ZNF710: variants seen among roughly 807,000 people sequenced by gnomAD.
ZNF710 encodes zinc finger protein 710.
A neutral mutation model predicts 50.6 loss-of-function variants in ZNF710; 13 were observed. That is an observed-to-expected ratio of 0.26 (90% CI 0.17 to 0.41). The LOEUF is 0.41. Among genes scored for constraint, ZNF710 ranks in the 10% least tolerant of loss-of-function variants. The probability of loss-of-function intolerance (pLI) is 1.00; values close to 1 mark genes in which losing one functional copy is unlikely to be tolerated. For synonymous variants in ZNF710, 383 were observed against 397.0 expected, an observed-to-expected ratio of 0.96 and a Z score of 0.42; for missense variants, 721 against 936.6, an observed-to-expected ratio of 0.77 and a Z score of 3.01.
chr15:90,008,031 A>C (rs924425818), intron 1 of ZNF710, among the ~76,000 whole-genome samples: 1 of 152,088 alleles, frequency 6.6e-6, no homozygotes, highest in East Asian at 1.9e-4. Context: ...AATTGGAAAG[A>C]AGGCACTTGA....
chr15:90,063,170 C>T (rs566956599), intron 1 of ZNF710, among the ~76,000 whole-genome samples: 2 of 152,242 alleles, frequency 1.3e-5, no homozygotes, highest in South Asian at 4.2e-4. Context: ...TGACCCAGGA[C>T]AGCTCCTGAG....
intron 1 of ZNF710, among the ~76,000 whole-genome samples, chr15:90,015,094 T>A (rs1466437320): frequency 6.6e-6 from 1 of 152,206 alleles, no homozygotes; most frequent in Non-Finnish European, 1.5e-5. Flanking sequence ...TTTCTCCATG[T>A]TGGTCAAGCT....
rs1567236953 is a variant in ZNF710, at chr15:90,058,721, A to ATATATATATATATGTATG, written c.-28-8389_-28-8388insTATATATATATATGTATG. 7.2e-4 allele frequency among the ~76,000 whole-genome samples: 104 copies of ATATATATATATATGTATG among 144,618 alleles called. 1 individual carries two copies. Among genetic ancestry groups the ATATATATATATATGTATG allele is most frequent in the African/African-American group, 2.9e-3 (101 of 34,598 alleles). The allele number at this position is 144,618 out of a possible 152,430, so 94.9% of individuals were successfully genotyped here. A position where few individuals can be genotyped will look rare whatever the true frequency, so the allele number is the denominator to read the frequency against. ...TATATTTATATATATATATATATACACACATATACACACACACGTACACAG... is the reference window on the plus strand; with the variant it reads ...TATATTTATATATATATATATATACATATATATATATATGTATGCACATATACACACACACGTACACAG... On this transcript the variant is annotated intron_variant, in intron 1 of 4. Coordinates refer to ENST00000268154, the MANE Select transcript of ZNF710 (RefSeq NM_198526.4).
intron 1 of ZNF710, 121 bp from the exon 2 acceptor site, chr15:90,066,989 G>A (rs540355221): frequency 2.7e-6 from 3 of 1,107,088 alleles, no homozygotes; most frequent in Non-Finnish European, 2.5e-6. Flanking sequence ...AAGGCCAGGA[G>A]TAGAAAAGAC....
intron 1 of ZNF710, among the ~76,000 whole-genome samples, chr15:90,044,907 C>T (rs903341072): frequency 6.6e-5 from 10 of 152,176 alleles, no homozygotes; most frequent in Admixed American, 3.9e-4. Flanking sequence ...CCTGCCTACT[C>T]TTGAGGTGTG....
At chr15:90,055,959 A>AG (rs1240313480) in intron 1 of ZNF710, among the ~76,000 whole-genome samples, 2 of 151,738 alleles carry the variant, frequency 1.3e-5, no homozygotes, top group Non-Finnish European at 2.9e-5. Flanking sequence ...TACTAAAAAA[A>AG]TACAAAAATT....
chr15:90,021,136 G>T (rs1417522851), intron 1 of ZNF710, among the ~76,000 whole-genome samples: 1 of 152,146 alleles, frequency 6.6e-6, no homozygotes. Context: ...ACCCGCCTTA[G>T]CCTTGGGGAG....
intron 1 of ZNF710, among the ~76,000 whole-genome samples, chr15:90,050,185 G>T (rs1040964933): frequency 1.3e-5 from 2 of 152,216 alleles, no homozygotes; most frequent in African/African-American, 2.4e-5. Context: ...GCATAAATCC[G>T]TACTCGAGCT....
At position 90,067,550 on chromosome 15, in the gene ZNF710, C is replaced by T. The variant is rs549712220; in HGVS notation, c.413C>T (p.Ala138Val). ...GACAAGGACGCAGGGCCAGCAGAAG[C>T]CCCCGCCGAGGCGGCCAGTGGCGGC... ...GDDKDAGPAE[A>V]PAEAASGGCD... is the part of the protein sequence containing the mutation. The change falls in exon 2 of 5, where the codon GCC (alanine) becomes GTC (valine). Residue 138 changes from alanine (A) to valine (V), a missense_variant. Coordinates refer to ENST00000268154, the MANE Select transcript of ZNF710 (RefSeq NM_198526.4). This position sits in a 1 kb window ranked among gnomAD's most constrained non-coding sequence, Gnocchi z 8.1. The T allele has an allele frequency of 7.4e-6, 12 of 1,612,684 alleles. No individual in the cohort carries two copies. The Admixed American group carries it at 2.0e-4, about 27-fold the overall frequency.
rs1341719737 is a variant in ZNF710, at chr15:90,073,256, A to T, written c.1644A>T (p.Lys548Asn). 6.2e-7 allele frequency: 1 copy of T among 1,612,466 alleles called. No homozygotes were observed. The highest frequency in any genetic ancestry group is 1.1e-5 in the South Asian group (1 of 91,072). ...MIVHSPVKPF[K>N]CKVCGKSFNR... ...TACACTCGCCCGTGAAGCCATTCAA[A>T]TGCAAGGTACCCGGTCATCAGGCCC... The change falls in exon 3 of 5, where the codon AAA (lysine) becomes AAT (asparagine). Residue 548 changes from lysine to asparagine, a missense_variant. Physicochemically the swap from Lys to Asn is moderately conservative, Grantham distance 94. Coordinates refer to ENST00000268154, the MANE Select transcript of ZNF710 (RefSeq NM_198526.4).
At chr15:90,038,845 G>T (rs550413414) in intron 1 of ZNF710, among the ~76,000 whole-genome samples, 1 of 152,100 alleles carries the variant, frequency 6.6e-6, no homozygotes, top group African/African-American at 2.4e-5. Flanking sequence ...AAACTCACCT[G>T]ATAATTGCTT....
chr15:90,062,817 C>G lies in ZNF710; in HGVS notation c.-28-4293C>G, dbSNP rs534161403. Among the ~76,000 whole-genome samples the G allele has an allele frequency of 2.8e-4, 42 of 152,302 alleles. No individual in the cohort carries two copies. The highest frequency in any genetic ancestry group is 3.4e-3 in the Middle Eastern group (1 of 294). ...AATTAGATTCCCTCCTCAGCAGAGC[C>G]CCTTCTGCATACACACACGCGCGCA... is the stretch of plus-strand genomic sequence containing the variant. On this transcript the variant is annotated intron_variant, in intron 1 of 4. Coordinates refer to ENST00000268154, the MANE Select transcript of ZNF710 (RefSeq NM_198526.4). The surrounding 1 kb of genome is among the most constrained non-coding windows in gnomAD (Gnocchi z 5.6).
At chr15:90,030,329 CAAAAAAAA>C (rs10685083) in intron 1 of ZNF710, among the ~76,000 whole-genome samples, 1,168 of 50,556 alleles carry the variant, frequency 0.023, 25 homozygotes, top group African/African-American at 0.083. Flanking sequence ...AACTCCATCT[CAAAAAAAA>C]AAAAAAAAAA....
At chr15:90,045,488 C>A in intron 1 of ZNF710, 1 of 836,252 alleles carries the variant, frequency 1.2e-6, no homozygotes. Context: ...GAGATGGTTT[C>A]TCTGAGGGAG....
intron 2 of ZNF710, among the ~76,000 whole-genome samples, chr15:90,071,154 G>A (rs576129157): frequency 2.0e-5 from 3 of 151,878 alleles, no homozygotes; most frequent in Admixed American, 6.6e-5. Context: ...CCAGCTACTC[G>A]GGAGGCTGAG....
intron 1 of ZNF710, among the ~76,000 whole-genome samples, chr15:90,066,085 T>C (rs914509921): frequency 6.6e-6 from 1 of 152,204 alleles, no homozygotes; most frequent in Non-Finnish European, 1.5e-5. Context: ...TTTTTATCAG[T>C]ATAAATTTAG....
rs1439833464 is a variant in ZNF710 at position 90,025,588 on chromosome 15, T to C, written c.-29+23974T>C. ...ACATGGTTACAAGCACATTGAACTT[T>C]ATATCATTTTTCTTTTTCATTTGAC... On this transcript the variant is annotated intron_variant, in intron 1 of 4. Transcript: ENST00000268154. 5 of 152,376 alleles carry C rather than the reference T, an allele frequency of 3.3e-5. No homozygotes were observed. The East Asian group carries it at 5.8e-4, about 18-fold the overall frequency. 9.4% of individuals were successfully genotyped at this position (152,376 alleles called of 1,614,324 possible).
intron 4 of ZNF710, among the ~76,000 whole-genome samples, chr15:90,078,983 A>G (rs35351415): frequency 2.0e-5 from 3 of 152,212 alleles, no homozygotes; most frequent in South Asian, 2.1e-4. Flanking sequence ...TTTGCCTGAC[A>G]TATCTTTATG....
intron 1 of ZNF710, among the ~76,000 whole-genome samples, chr15:90,050,888 T>G (rs1899619453): frequency 1.3e-5 from 2 of 152,200 alleles, no homozygotes; most frequent in African/African-American, 4.8e-5. Flanking sequence ...CTGGGGATCT[T>G]TGTGCCTCAC....
Sources: gnomAD v4.1 joint callset for allele counts (sites outside exome capture counted in the v4.1 genomes callset) on GRCh38, gnomAD v4.1.1 for gene constraint, Gnocchi (gnomAD v3.1) non-coding constraint, MANE v1.5 for transcripts, NCBI Gene and HGNC (gene_info 2026-07-23, HGNC 2026-07-21) for gene names.